SLC25A21: variants seen among roughly 807,000 people sequenced by gnomAD.
SLC25A21 encodes the protein mitochondrial 2-oxodicarboxylate carrier.
Under a neutral mutation model 43.8 loss-of-function variants are expected in SLC25A21, and 47 were observed. The ratio of observed to expected loss-of-function variants is 1.07; its 90% confidence interval spans 0.85 to 1.37. SLC25A21 has a LOEUF of 1.37. SLC25A21 is among the 40% of genes most tolerant of loss of function. The pLI, the probability that SLC25A21 is intolerant of heterozygous loss-of-function variation, is 0.00. For missense variants in SLC25A21, 352 were observed against 350.2 expected (o/e 1.00, Z -0.04); for synonymous variants, 131 against 121.3 (o/e 1.08, Z -0.52).
At position 36,897,778 on chromosome 14, in the gene SLC25A21, T is replaced by C. The variant is rs559298740; in HGVS notation, c.71-22774A>G. On this transcript the variant is annotated intron_variant, in intron 1 of 9. Transcript: ENST00000331299. ...GTCAGGACCCTCAGCTGCAGGTCTG[T>C]TGGAGTTTGCTGGAGGTCCACTCCA... Among the ~76,000 whole-genome samples the C allele has an allele frequency of 3.9e-3, 595 of 152,344 alleles. 2 individuals are homozygous for C. Among genetic ancestry groups the C allele is most frequent in the Non-Finnish European group, 6.3e-3 (430 of 68,030 alleles).
chr14:36,706,551 G>C (rs1883576583), intron 7 of SLC25A21, among the ~76,000 whole-genome samples: 1 of 151,718 alleles, frequency 6.6e-6, no homozygotes, highest in Admixed American at 6.6e-5. Flanking sequence ...CCCAAATGCA[G>C]TTAGACTCAG....
At chr14:37,112,163 A>G (rs1178326860) in intron 1 of SLC25A21, among the ~76,000 whole-genome samples, 1 of 151,964 alleles carries the variant, frequency 6.6e-6, no homozygotes, top group Admixed American at 6.6e-5. Flanking sequence ...CTTATTCTAG[A>G]AAGGATTAAA....
chr14:37,018,379 C>A (rs1245178965), intron 1 of SLC25A21, among the ~76,000 whole-genome samples: 2 of 152,028 alleles, frequency 1.3e-5, no homozygotes, highest in East Asian at 3.9e-4. Context: ...GGTGACAGAT[C>A]TGTTAATTAT....
intron 3 of SLC25A21, among the ~76,000 whole-genome samples, chr14:36,743,910 C>A (rs939228455): frequency 6.6e-6 from 1 of 152,102 alleles, no homozygotes. Flanking sequence ...AAATCGAGAA[C>A]TGAATCTCAT....
intron 1 of SLC25A21, among the ~76,000 whole-genome samples, chr14:37,064,916 A>G (rs1186743351): frequency 6.6e-6 from 1 of 152,132 alleles, no homozygotes; most frequent in African/African-American, 2.4e-5. Context: ...TTCCTTTGAC[A>G]CACATCTGTT....
chr14:36,691,819 T>A (rs1179628376), intron 7 of SLC25A21, among the ~76,000 whole-genome samples: 1 of 152,252 alleles, frequency 6.6e-6, no homozygotes, highest in African/African-American at 2.4e-5. Flanking sequence ...CTATGGATCT[T>A]TTCCTCTAAA....
At chr14:36,917,326 T>C (rs1019648935) in intron 1 of SLC25A21, among the ~76,000 whole-genome samples, 1 of 152,146 alleles carries the variant, frequency 6.6e-6, no homozygotes, top group Non-Finnish European at 1.5e-5. Flanking sequence ...GTAGGCTCTA[T>C]CTGACCCTGG....
intron 1 of SLC25A21, among the ~76,000 whole-genome samples, chr14:37,089,333 C>T (rs891380541): frequency 1.3e-5 from 2 of 152,030 alleles, no homozygotes; most frequent in Non-Finnish European, 2.9e-5. Context: ...ATTAACCTTC[C>T]TACCTAGGGG....
At chr14:36,863,783 G>A (rs1337779546) in intron 2 of SLC25A21, among the ~76,000 whole-genome samples, 1 of 152,210 alleles carries the variant, frequency 6.6e-6, no homozygotes, top group Non-Finnish European at 1.5e-5. Context: ...GGTCACAGCA[G>A]CAGCAGAAGT....
chr14:36,924,540 G>C (rs1297491368), intron 1 of SLC25A21, among the ~76,000 whole-genome samples: 3 of 152,024 alleles, frequency 2.0e-5, no homozygotes, highest in South Asian at 2.1e-4. Flanking sequence ...GTGGGGAGAG[G>C]GGGGAGGGAT....
intron 3 of SLC25A21, among the ~76,000 whole-genome samples, chr14:36,775,054 T>G (rs848121): frequency 6.6e-6 from 1 of 152,020 alleles, no homozygotes; most frequent in Non-Finnish European, 1.5e-5. Context: ...ATAAGTATAA[T>G]AACAGTAATT....
At chr14:37,116,563 G>A (rs957211693) in intron 1 of SLC25A21, among the ~76,000 whole-genome samples, 3 of 151,952 alleles carry the variant, frequency 2.0e-5, no homozygotes, top group South Asian at 2.1e-4. Flanking sequence ...AAAACCTACA[G>A]TGAAAGAATC....
chr14:36,869,259 C>G (rs1293797741), intron 2 of SLC25A21, among the ~76,000 whole-genome samples: 1 of 152,136 alleles, frequency 6.6e-6, no homozygotes, highest in Non-Finnish European at 1.5e-5. Flanking sequence ...TGCATAGTTT[C>G]AAATACTCAG....
At chr14:37,117,480 T>C (rs1482062070) in intron 1 of SLC25A21, among the ~76,000 whole-genome samples, 2 of 152,190 alleles carry the variant, frequency 1.3e-5, no homozygotes, top group Non-Finnish European at 1.5e-5. Context: ...CTCTCTTTAT[T>C]TTAGAAGAGA....
chr14:36,734,481 T>C, intron 4 of SLC25A21, 26 bp downstream of exon 4: 2 of 1,584,910 alleles, frequency 1.3e-6, no homozygotes, highest in Non-Finnish European at 1.7e-6. Context: ...CTACTTTTGC[T>C]TGGTGCGAAC....
Position 36,723,657 on chromosome 14 carries a change from G to A in SLC25A21, c.438+1913C>T, listed in dbSNP as rs10139906. 8.0e-3 allele frequency among the ~76,000 whole-genome samples: 1,217 copies of A among 152,316 alleles called. 14 individuals carry two copies. The highest frequency in any genetic ancestry group is 0.028 in the African/African-American group (1,162 of 41,580). On this transcript the variant is annotated intron_variant, in intron 6 of 9. Coordinates refer to ENST00000331299, the MANE Select transcript of SLC25A21 (RefSeq NM_030631.4). Reference sequence around the variant, plus strand: ...TTGTTGGGCAGGAAGGGTGTTTATTGCATTCTTGCAAGTCATTAGCACATA... The same window carrying A: ...TTGTTGGGCAGGAAGGGTGTTTATTACATTCTTGCAAGTCATTAGCACATA...
At chr14:37,160,435 A>G (rs1963919617) in intron 1 of SLC25A21, among the ~76,000 whole-genome samples, 1 of 152,218 alleles carries the variant, frequency 6.6e-6, no homozygotes, top group Non-Finnish European at 1.5e-5. Context: ...ATGAAACTGG[A>G]GGTCGTTATC....
chr14:36,954,282 G>A (rs1307863582), intron 1 of SLC25A21, among the ~76,000 whole-genome samples: 3 of 151,810 alleles, frequency 2.0e-5, no homozygotes, highest in Admixed American at 6.6e-5. Flanking sequence ...CCTCCCAACT[G>A]GCCTCTCCAC....
chr14:36,893,441 T>C (rs1186033722), intron 1 of SLC25A21, among the ~76,000 whole-genome samples: 3 of 152,242 alleles, frequency 2.0e-5, no homozygotes, highest in Non-Finnish European at 4.4e-5. Flanking sequence ...TTCTGGATAT[T>C]AGCCCTTTGA....
Sources: allele counts gnomAD v4.1 joint callset (sites outside exome capture counted in the v4.1 genomes callset), GRCh38; gene constraint gnomAD v4.1.1; transcripts MANE v1.5; gene names NCBI Gene and HGNC (gene_info 2026-07-23, HGNC 2026-07-21).